PACRG: variants seen among roughly 807,000 people sequenced by gnomAD.
The protein encoded by PACRG is parkin coregulated.
A neutral mutation model predicts 29.7 loss-of-function variants in PACRG; 29 were observed. The ratio of observed to expected loss-of-function variants is 0.98; its 90% CI spans 0.73 to 1.33. The LOEUF (loss-of-function observed/expected upper bound fraction) is 1.33. Among genes scored for constraint, PACRG ranks in the 40% most tolerant of loss-of-function variants. PACRG has a pLI of 0.00. For missense variants in PACRG, 279 were observed against 316.2 expected, an observed-to-expected ratio of 0.88 and a Z score of 0.89; for synonymous variants, 116 against 118.7, an observed-to-expected ratio of 0.98 and a Z score of 0.15.
At chr6:163,151,052 A>G (rs888371959) in intron 4 of PACRG, among the ~76,000 whole-genome samples, 3 of 152,200 alleles carry the variant, frequency 2.0e-5, no homozygotes, top group African/African-American at 7.2e-5. Context: ...CAATGGATGG[A>G]TTTTTAAAAC....
chr6:162,806,842 A>G (rs974224905), intron 1 of PACRG, among the ~76,000 whole-genome samples: 3 of 152,172 alleles, frequency 2.0e-5, no homozygotes, highest in African/African-American at 7.2e-5. Context: ...CTTCAAAGCC[A>G]AGCATTGAAT....
intron 2 of PACRG, among the ~76,000 whole-genome samples, chr6:163,003,489 G>T: frequency 6.6e-6 from 1 of 152,128 alleles, no homozygotes. Flanking sequence ...ATCTGGGAAA[G>T]TATAGACAGC....
intron 4 of PACRG, among the ~76,000 whole-genome samples, chr6:163,093,276 A>T (rs186438884): frequency 1.3e-5 from 2 of 152,352 alleles, no homozygotes; most frequent in Admixed American, 6.5e-5. Flanking sequence ...CTGCATTCTA[A>T]ACAGTGAATT....
intron 2 of PACRG, among the ~76,000 whole-genome samples, chr6:162,883,020 C>G (rs889505325): frequency 2.0e-5 from 3 of 152,188 alleles, no homozygotes; most frequent in Non-Finnish European, 4.4e-5. Flanking sequence ...ACCTCGAGTT[C>G]CACTCCCTGT....
intron 2 of PACRG, among the ~76,000 whole-genome samples, chr6:162,848,969 G>A (rs2128422254): frequency 6.6e-6 from 1 of 152,284 alleles, no homozygotes; most frequent in Non-Finnish European, 1.5e-5. Context: ...CAACTTTAGG[G>A]GAAAGCGAGA....
chr6:163,179,228 C>T (rs542315055), intron 4 of PACRG: 6 of 455,858 alleles, frequency 1.3e-5, no homozygotes, highest in East Asian at 7.0e-5. Flanking sequence ...TGGGCTCCTC[C>T]GTAGGTTCTC....
chr6:162,762,134 AAAT>A (rs1182118197), intron 1 of PACRG, among the ~76,000 whole-genome samples: 1 of 152,072 alleles, frequency 6.6e-6, no homozygotes, highest in East Asian at 1.9e-4. Flanking sequence ...GGTTCTCAAT[AAAT>A]AATAAATCAA....
intron 2 of PACRG, among the ~76,000 whole-genome samples, chr6:162,986,901 T>G (rs1490815492): frequency 6.6e-6 from 1 of 152,016 alleles, no homozygotes; most frequent in African/African-American, 2.4e-5. Flanking sequence ...TCTGTTTCCC[T>G]GGATAATTTT....
At chr6:163,080,822 T>C (rs1044186467) in intron 3 of PACRG, among the ~76,000 whole-genome samples, 1 of 152,236 alleles carries the variant, frequency 6.6e-6, no homozygotes, top group Non-Finnish European at 1.5e-5. Context: ...TGGCATGCTA[T>C]GGTATTTATA....
intron 2 of PACRG, among the ~76,000 whole-genome samples, chr6:162,879,496 T>A (rs946800135): frequency 5.3e-5 from 8 of 152,172 alleles, no homozygotes; most frequent in Non-Finnish European, 8.8e-5. Context: ...CAGGGGACAG[T>A]TGGTGCTAAA....
chr6:163,097,021 C>G (rs898658937), intron 4 of PACRG, among the ~76,000 whole-genome samples: 1 of 152,194 alleles, frequency 6.6e-6, no homozygotes, highest in African/African-American at 2.4e-5. Context: ...TCCCTTCCCC[C>G]GAAGACAGTT....
At chr6:163,129,688 TAGG>T in intron 4 of PACRG, among the ~76,000 whole-genome samples, 1 of 152,256 alleles carries the variant, frequency 6.6e-6, no homozygotes, top group Non-Finnish European at 1.5e-5. Context: ...TGGCAGTGGT[TAGG>T]AGCACGGACT....
intron 4 of PACRG, among the ~76,000 whole-genome samples, chr6:163,160,380 G>A (rs1470310419): frequency 1.3e-5 from 2 of 152,174 alleles, no homozygotes; most frequent in Non-Finnish European, 2.9e-5. Flanking sequence ...CTTGTCAAGT[G>A]TGCTTAATAT....
chr6:163,159,828 G>A (rs1463665203), intron 4 of PACRG, among the ~76,000 whole-genome samples: 2 of 152,138 alleles, frequency 1.3e-5, no homozygotes, highest in African/African-American at 2.4e-5. Context: ...GTCCTAGGGT[G>A]TTCATGACAC....
intron 2 of PACRG, among the ~76,000 whole-genome samples, chr6:162,860,894 G>T (rs1193343882): frequency 6.6e-6 from 1 of 152,190 alleles, no homozygotes; most frequent in African/African-American, 2.4e-5. Context: ...AATTTAGGTA[G>T]TTGCTTGAGA....
At chr6:163,210,650 TTC>T (rs1266898245) in intron 4 of PACRG, among the ~76,000 whole-genome samples, 1 of 152,234 alleles carries the variant, frequency 6.6e-6, no homozygotes, top group East Asian at 1.9e-4. Context: ...GCCACTAAAT[TTC>T]TCTGTTAAAT....
At chr6:163,072,906 A>G (rs1812206803) in intron 3 of PACRG, among the ~76,000 whole-genome samples, 1 of 152,104 alleles carries the variant, frequency 6.6e-6, no homozygotes, top group Non-Finnish European at 1.5e-5. Context: ...AAGAAGTGAA[A>G]GATCTCCACA....
chr6:162,921,858 T>C (rs1391395614), intron 2 of PACRG, among the ~76,000 whole-genome samples: 2 of 152,112 alleles, frequency 1.3e-5, no homozygotes, highest in African/African-American at 4.8e-5. Flanking sequence ...AGAGTTTATT[T>C]AGAGACACAG....
At chr6:162,910,530 T>C (rs942377904) in intron 2 of PACRG, among the ~76,000 whole-genome samples, 3 of 152,110 alleles carry the variant, frequency 2.0e-5, no homozygotes, top group Non-Finnish European at 4.4e-5. Flanking sequence ...AGTTGAGAAA[T>C]AAATGCCAAC....
Sources: gnomAD v4.1 joint callset for allele counts (sites outside exome capture counted in the v4.1 genomes callset) on GRCh38, gnomAD v4.1.1 for gene constraint, MANE v1.5 for transcripts, NCBI Gene and HGNC (gene_info 2026-07-23, HGNC 2026-07-21) for gene names.